PTPN11: variants seen among roughly 807,000 people sequenced by gnomAD.
PTPN11 encodes the protein protein tyrosine phosphatase non-receptor type 11.
PTPN11 carries 6 observed loss-of-function variants against 78.8 expected under a neutral mutation model. The ratio of observed to expected loss-of-function variants is 0.08; its 90% CI spans 0.04 to 0.15. The LOEUF (loss-of-function observed/expected upper bound fraction) is 0.15. Among genes scored for constraint, PTPN11 ranks in the 10% least tolerant of loss-of-function variants. The pLI, the probability that PTPN11 is intolerant of heterozygous loss-of-function variation, is 1.00. For missense variants in PTPN11, 386 were observed against 744.8 expected, an observed-to-expected ratio of 0.52 and a Z score of 5.61; for synonymous variants, 221 against 263.5, an observed-to-expected ratio of 0.84 and a Z score of 1.56.
rs1211007369 is a variant in PTPN11, at chr12:112,442,881, TTATATA to T, written c.15-3392_15-3387del. On this transcript the variant is annotated intron_variant, in intron 1 of 15. Transcript: ENST00000351677. ...ATATATATATATATATATATATAAA[TTATATA>T]TACACTACACATATATGTATGTATA... 3.3e-5 allele frequency among the ~76,000 whole-genome samples: 3 copies of T among 90,846 alleles called. No homozygotes were observed. The East Asian group carries it at 1.0e-3, about 30-fold the overall frequency. The allele number at this position is 90,846 out of a possible 152,430, so 59.6% of individuals were successfully genotyped here. A position where few individuals can be genotyped will look rare whatever the true frequency, so the allele number is the denominator to read the frequency against.
chr12:112,450,590 A>G, intron 3 of PTPN11, 78 bp downstream of exon 3: 2 of 1,380,232 alleles, frequency 1.4e-6, no homozygotes, highest in Non-Finnish European at 2.1e-6. Context: ...CGGTCTGTGT[A>G]TGACTCTCTG....
At chr12:112,443,584 G>A (rs1042169283) in intron 1 of PTPN11, among the ~76,000 whole-genome samples, 22 of 151,744 alleles carry the variant, frequency 1.4e-4, no homozygotes, top group Non-Finnish European at 3.1e-4. Flanking sequence ...TCGAACTCCT[G>A]ACCTCATGAT....
chr12:112,421,907 C>A (rs1260122078), intron 1 of PTPN11, among the ~76,000 whole-genome samples: 1 of 152,166 alleles, frequency 6.6e-6, no homozygotes, highest in Admixed American at 6.6e-5. Context: ...GGATTACAGG[C>A]ATGAGCTATT....
intron 1 of PTPN11, among the ~76,000 whole-genome samples, chr12:112,442,945 C>T (rs1236147478): frequency 7.7e-6 from 1 of 129,042 alleles, no homozygotes; most frequent in African/African-American, 2.8e-5. Flanking sequence ...TACATATCTA[C>T]ATATAAAATA....
intron 7 of PTPN11, among the ~76,000 whole-genome samples, chr12:112,474,403 G>C (rs1301481886): frequency 1.3e-4 from 19 of 151,666 alleles, no homozygotes; most frequent in Non-Finnish European, 7.4e-5. Flanking sequence ...ATTTTTTCTA[G>C]GGCGGGGTCT....
intron 10 of PTPN11, among the ~76,000 whole-genome samples, 195 bp from the exon 11 acceptor site, chr12:112,486,280 T>G (rs1336920899): frequency 6.6e-6 from 1 of 152,136 alleles, no homozygotes; most frequent in Non-Finnish European, 1.5e-5. Flanking sequence ...TTGGTTCTTA[T>G]GACAGAGGCA....
At chr12:112,458,215 G>T (rs528889747) in intron 6 of PTPN11, among the ~76,000 whole-genome samples, 1 of 151,952 alleles carries the variant, frequency 6.6e-6, no homozygotes, top group Non-Finnish European at 1.5e-5. Context: ...GTTTTGTTTT[G>T]TTTTTTTTCC....
chr12:112,474,803 A>AT (rs967107096), intron 7 of PTPN11, among the ~76,000 whole-genome samples: 2 of 151,632 alleles, frequency 1.3e-5, no homozygotes, highest in African/African-American at 4.8e-5. Flanking sequence ...TTTTGTAATT[A>AT]TTTTTTTTGT....
chr12:112,442,297 G>C (rs539489801), intron 1 of PTPN11, among the ~76,000 whole-genome samples: 3 of 152,078 alleles, frequency 2.0e-5, no homozygotes, highest in Admixed American at 2.0e-4. Flanking sequence ...AAATGCTTGG[G>C]ACCAGAAGTG....
chr12:112,468,058 T>C (rs1434516375), intron 6 of PTPN11, among the ~76,000 whole-genome samples: 1 of 152,190 alleles, frequency 6.6e-6, no homozygotes, highest in Admixed American at 6.5e-5. Flanking sequence ...CTGGTCCTTT[T>C]TGAGAGTTCA....
intron 13 of PTPN11, among the ~76,000 whole-genome samples, chr12:112,491,894 A>G (rs761918939): frequency 2.6e-5 from 4 of 152,106 alleles, no homozygotes; most frequent in Non-Finnish European, 5.9e-5. Context: ...TTTTGTAGAG[A>G]TGGAGCTTCG....
chr12:112,460,094 C>T (rs1484628384), intron 6 of PTPN11, among the ~76,000 whole-genome samples: 1 of 152,074 alleles, frequency 6.6e-6, no homozygotes, highest in Non-Finnish European at 1.5e-5. Context: ...ACTACAGGTG[C>T]CCACCACCTC....
In PTPN11 at chr12:112,487,975, G is replaced by C. The variant is rs553955011; in HGVS notation, c.1380-468G>C. 2.6e-5 allele frequency among the ~76,000 whole-genome samples: 4 copies of C among 152,132 alleles called. No individual in the cohort carries two copies. The East Asian group carries it at 7.7e-4, about 29-fold the overall frequency. On this transcript the variant is annotated intron_variant, in intron 11 of 15. Coordinates refer to ENST00000351677, the MANE Select transcript of PTPN11 (RefSeq NM_002834.5). ...ATTTTTGTGTTTTTAGTAGAGACGA[G>C]GTTTTGCTATGTTGGCCAGGCTGGT...
At position 112,504,842 on chromosome 12, in the gene PTPN11, G is replaced by C; in HGVS notation, c.*32+46G>C. 7.9e-7 allele frequency: 1 copy of C among 1,262,680 alleles called. No individual in the cohort carries two copies. Among genetic ancestry groups the C allele is most frequent in the Non-Finnish European group, 1.1e-6 (1 of 875,454 alleles). 78.2% of individuals were successfully genotyped at this position (1,262,680 alleles called of 1,614,324 possible). A position where few individuals can be genotyped will look rare whatever the true frequency, so the allele number is the denominator to read the frequency against. On this transcript the variant is annotated intron_variant, in intron 15 of 15. Coordinates refer to ENST00000351677, the MANE Select transcript of PTPN11 (RefSeq NM_002834.5). This position sits in a 1 kb window ranked among gnomAD's most constrained non-coding sequence, Gnocchi z 4.7. ...TATTGGTTAATTGTTTATATAATTG[G>C]CAGTATTTTTAAGCAGGCAAGCAAT...
chr12:112,470,592 A>C (rs891700808), intron 6 of PTPN11, among the ~76,000 whole-genome samples: 1 of 152,108 alleles, frequency 6.6e-6, no homozygotes, highest in African/African-American at 2.4e-5. Context: ...TTAAACAGGA[A>C]CTGTAGGAAA....
chr12:112,453,494 T>A, intron 4 of PTPN11, 107 bp downstream of exon 4: 1 of 784,178 alleles, frequency 1.3e-6, no homozygotes, highest in South Asian at 1.8e-5. Context: ...TGTCTTTTAT[T>A]TATTTATTTA....
chr12:112,446,482 G>C, intron 2 of PTPN11, 84 bp downstream of exon 2: 1 of 1,593,030 alleles, frequency 6.3e-7, no homozygotes, highest in Non-Finnish European at 8.6e-7. Context: ...CTTGCTGCCT[G>C]CATTTCGAGT....
intron 1 of PTPN11, among the ~76,000 whole-genome samples, chr12:112,438,003 T>G (rs781391828): frequency 6.6e-6 from 1 of 152,174 alleles, no homozygotes; most frequent in Non-Finnish European, 1.5e-5. Flanking sequence ...CTTTTTAGTC[T>G]TTCCCCCTGG....
intron 2 of PTPN11, 39 bp downstream of exon 2, chr12:112,446,437 T>G: frequency 6.2e-7 from 1 of 1,613,732 alleles, no homozygotes; most frequent in Non-Finnish European, 8.5e-7. Context: ...GAGAGTGTTT[T>G]CTAGGTAGGA....
Sources: gnomAD v4.1 joint callset for allele counts (sites outside exome capture counted in the v4.1 genomes callset) on GRCh38, gnomAD v4.1.1 for gene constraint, Gnocchi (gnomAD v3.1) non-coding constraint, MANE v1.5 for transcripts, NCBI Gene and HGNC (gene_info 2026-07-23, HGNC 2026-07-21) for gene names.